Variants in CSGALNACT1 observed in about 807,000 individuals in gnomAD.
The protein encoded by CSGALNACT1 is beta4GalNAcT-1.
In CSGALNACT1, 52 loss-of-function variants were observed where a neutral mutation model predicts 51.0. The ratio of observed to expected loss-of-function variants is 1.02; its 90% CI spans 0.82 to 1.29. CSGALNACT1 has a LOEUF of 1.29. Ranked by LOEUF, CSGALNACT1 falls within the 50% of genes most tolerant of loss-of-function variation. The pLI is 0.00. For synonymous variants in CSGALNACT1, 341 were observed against 254.4 expected, an observed-to-expected ratio of 1.34 and a Z score of -3.24; for missense variants, 935 against 679.2, an observed-to-expected ratio of 1.38 and a Z score of -4.19.
intron 1 of CSGALNACT1, among the ~76,000 whole-genome samples, chr8:19,749,282 G>A (rs2064882639): frequency 6.6e-6 from 1 of 150,838 alleles, no homozygotes; most frequent in Non-Finnish European, 1.5e-5. Flanking sequence ...CACAAAATGG[G>A]CTTTTGAAAA....
At chr8:19,718,832 A>G (rs2062956705) in intron 1 of CSGALNACT1, among the ~76,000 whole-genome samples, 1 of 152,188 alleles carries the variant, frequency 6.6e-6, no homozygotes, top group Admixed American at 6.5e-5. Flanking sequence ...ACGACCGTGA[A>G]GCCCTCTCAG....
chr8:19,724,831 G>T (rs1421920050), intron 1 of CSGALNACT1, among the ~76,000 whole-genome samples: 1 of 152,190 alleles, frequency 6.6e-6, no homozygotes, highest in Non-Finnish European at 1.5e-5. Context: ...CATGTGTCAT[G>T]ACCTTTCAGG....
chr8:19,698,563 G>A (rs2061696895), intron 1 of CSGALNACT1, among the ~76,000 whole-genome samples: 1 of 152,166 alleles, frequency 6.6e-6, no homozygotes, highest in African/African-American at 2.4e-5. Flanking sequence ...GAGGAGCAGT[G>A]ATTCTCAAAG....
intron 1 of CSGALNACT1, among the ~76,000 whole-genome samples, chr8:19,735,990 G>T (rs1302313761): frequency 3.3e-5 from 5 of 152,082 alleles, no homozygotes; most frequent in Non-Finnish European, 5.9e-5. Flanking sequence ...AAGTTTATGG[G>T]TATTTCACAT....
chr8:19,733,778 A>G (rs1313565407), intron 1 of CSGALNACT1, among the ~76,000 whole-genome samples: 1 of 152,148 alleles, frequency 6.6e-6, no homozygotes, highest in Non-Finnish European at 1.5e-5. Context: ...TTCTGCTCAT[A>G]TGAGTTTTAT....
intron 4 of CSGALNACT1, among the ~76,000 whole-genome samples, chr8:19,479,608 T>C (rs1333863310): frequency 3.3e-5 from 5 of 152,148 alleles, no homozygotes; most frequent in Non-Finnish European, 5.9e-5. Context: ...ATGAAAGGTA[T>C]AAGAAGTGCT....
intron 3 of CSGALNACT1, among the ~76,000 whole-genome samples, chr8:19,551,390 C>A (rs1284450330): frequency 6.6e-6 from 1 of 152,140 alleles, no homozygotes. Flanking sequence ...CCCTTACCAA[C>A]CCCTTCCCTT....
Position 19,634,160 on chromosome 8 carries a change from A to G in CSGALNACT1, c.-543-32295T>C, listed in dbSNP as rs560672781. ...AGGACACTTTACGTCATATTTGTTC[A>G]TTTTGAAAACATATTACTTTCATAC... On this transcript the variant is annotated intron_variant, in intron 1 of 9. Transcript: ENST00000332246. Among the ~76,000 whole-genome samples the G allele has an allele frequency of 4.2e-4, 64 of 152,340 alleles. 1 individual carries two copies. The highest frequency in any genetic ancestry group is 1.4e-3 in the African/African-American group (57 of 41,592).
chr8:19,698,433 A>T (rs193247539), intron 1 of CSGALNACT1, among the ~76,000 whole-genome samples: 124 of 152,352 alleles, frequency 8.1e-4, no homozygotes, highest in African/African-American at 2.9e-3. Context: ...ACATAGCACA[A>T]GCTACTATCT....
intron 5 of CSGALNACT1, among the ~76,000 whole-genome samples, chr8:19,452,527 C>G (rs989892066): frequency 1.3e-5 from 2 of 151,964 alleles, no homozygotes; most frequent in Non-Finnish European, 2.9e-5. Context: ...AGGGATGAGA[C>G]ATGCTGAGAG....
At chr8:19,420,001 G>A (rs753918917) in intron 7 of CSGALNACT1, among the ~76,000 whole-genome samples, 7 of 152,166 alleles carry the variant, frequency 4.6e-5, no homozygotes, top group Non-Finnish European at 7.4e-5. Flanking sequence ...TGATGGTTTT[G>A]TACATGGGAG....
chr8:19,468,817 G>C (rs541603793), intron 4 of CSGALNACT1, among the ~76,000 whole-genome samples: 1 of 152,182 alleles, frequency 6.6e-6, no homozygotes, highest in Non-Finnish European at 1.5e-5. Context: ...TAGACATACA[G>C]ATTTAGACAT....
At chr8:19,509,673 T>G (rs1468255733) in intron 3 of CSGALNACT1, among the ~76,000 whole-genome samples, 2 of 149,346 alleles carry the variant, frequency 1.3e-5, no homozygotes, top group African/African-American at 4.9e-5. Context: ...TCTGCCACCT[T>G]CAGGAAAAAA....
At chr8:19,424,888 G>A (rs1310109153) in intron 6 of CSGALNACT1, among the ~76,000 whole-genome samples, 1 of 152,214 alleles carries the variant, frequency 6.6e-6, no homozygotes, top group African/African-American at 2.4e-5. Flanking sequence ...AGACTGTAGT[G>A]GTTGCCAGGC....
chr8:19,408,146 G>A (rs1038496967), intron 9 of CSGALNACT1, among the ~76,000 whole-genome samples: 2 of 152,152 alleles, frequency 1.3e-5, no homozygotes, highest in Non-Finnish European at 2.9e-5. Context: ...AGGAGGCACT[G>A]GAAGACTTGC....
intron 8 of CSGALNACT1, among the ~76,000 whole-genome samples, chr8:19,416,109 C>CTTTTTTTTTTTTT (rs34491658): frequency 8.6e-6 from 1 of 116,716 alleles, no homozygotes; most frequent in Non-Finnish European, 1.7e-5. Context: ...GAAATGAAAA[C>CTTTTTTTTTTTTT]TTTTTTTTTT....
chr8:19,622,604 G>A (rs2053955885), intron 1 of CSGALNACT1, among the ~76,000 whole-genome samples: 1 of 152,206 alleles, frequency 6.6e-6, no homozygotes, highest in Admixed American at 6.5e-5. Context: ...TATAAATGGA[G>A]TTAAAAGTAT....
At chr8:19,659,121 T>C (rs949240341) in intron 1 of CSGALNACT1, among the ~76,000 whole-genome samples, 2 of 152,096 alleles carry the variant, frequency 1.3e-5, no homozygotes, top group South Asian at 2.1e-4. Flanking sequence ...TAGGATGATA[T>C]TGACATTTTA....
intron 3 of CSGALNACT1, among the ~76,000 whole-genome samples, chr8:19,563,132 A>T (rs1286966378): frequency 6.6e-6 from 1 of 152,216 alleles, no homozygotes; most frequent in Non-Finnish European, 1.5e-5. Flanking sequence ...TTACAGGGAC[A>T]TGGACGGAGC....
Sources: allele counts gnomAD v4.1 joint callset (sites outside exome capture counted in the v4.1 genomes callset), GRCh38; gene constraint gnomAD v4.1.1; transcripts MANE v1.5; gene names NCBI Gene and HGNC (gene_info 2026-07-23, HGNC 2026-07-21).